Variants in SIPA1L3 observed in about 807,000 individuals in gnomAD.
SIPA1L3 encodes the protein signal-induced proliferation-associated 1-like protein 3.
Under a neutral mutation model 150.1 loss-of-function variants are expected in SIPA1L3, and 59 were observed. That is an observed-to-expected ratio of 0.39 (90% CI 0.32 to 0.49). SIPA1L3 has a LOEUF of 0.49. Ranked by LOEUF, SIPA1L3 falls within the 20% of genes least tolerant of loss-of-function variation. The pLI, the probability that SIPA1L3 is intolerant of heterozygous loss-of-function variation, is 0.86. For missense variants in SIPA1L3, 2,211 were observed against 2,489.5 expected, an observed-to-expected ratio of 0.89 and a Z score of 2.38; for synonymous variants, 1,070 against 1,077.6, an observed-to-expected ratio of 0.99 and a Z score of 0.14.
intron 1 of SIPA1L3, among the ~76,000 whole-genome samples, chr19:37,923,877 A>C (rs1374190928): frequency 6.6e-6 from 1 of 151,908 alleles, no homozygotes; most frequent in Non-Finnish European, 1.5e-5. Flanking sequence ...CTTCTGCCTC[A>C]GTCTCCCCAG....
intron 9 of SIPA1L3, among the ~76,000 whole-genome samples, chr19:38,125,523 C>A (rs535659456): frequency 6.6e-6 from 1 of 152,144 alleles, no homozygotes; most frequent in East Asian, 1.9e-4. Flanking sequence ...GAGCATATTT[C>A]CACAGCCATA....
At chr19:38,036,594 T>C (rs1968796593) in intron 2 of SIPA1L3, among the ~76,000 whole-genome samples, 1 of 152,206 alleles carries the variant, frequency 6.6e-6, no homozygotes, top group Non-Finnish European at 1.5e-5. Context: ...GCCGTTTCCC[T>C]GCTCCACACC....
intron 1 of SIPA1L3, among the ~76,000 whole-genome samples, chr19:38,026,559 C>T (rs755455667): frequency 1.3e-5 from 2 of 152,094 alleles, no homozygotes; most frequent in South Asian, 4.1e-4. Flanking sequence ...GAAATAGATG[C>T]AGGGTGGGTC....
At position 38,162,275 on chromosome 19, in the gene SIPA1L3, C is replaced by G; in HGVS notation, c.3684C>G (p.Ala1228=). Residue 1228 remains alanine, a synonymous_variant, in exon 14 of 22, where the codon GCC becomes GCG. Transcript: ENST00000222345. The part of the protein sequence containing the change: ...QKPEPLWHVP[A]QARLSAIAGS... Reference sequence around the variant, plus strand: ...CAGAGCCTTTGTGGCATGTGCCTGCCCAGGCCAGGCTCTCAGCCATAGCCG... The same window carrying G: ...CAGAGCCTTTGTGGCATGTGCCTGCGCAGGCCAGGCTCTCAGCCATAGCCG... The G allele has an allele frequency of 6.2e-7, 1 of 1,614,212 alleles. No individual in the cohort carries two copies.
chr19:37,953,546 GTA>G (rs1488106879), intron 1 of SIPA1L3, among the ~76,000 whole-genome samples: 2 of 147,838 alleles, frequency 1.4e-5, no homozygotes, highest in Admixed American at 6.8e-5. Flanking sequence ...GTGTGTGTGT[GTA>G]TGTGTGTGCA....
Position 38,161,985 on chromosome 19 carries a change from T to C in SIPA1L3, c.3662-268T>C, listed in dbSNP as rs145802172. 7.7e-3 allele frequency among the ~76,000 whole-genome samples: 1,169 copies of C among 152,120 alleles called. 11 individuals carry two copies. The highest frequency in any genetic ancestry group is 0.037 in the East Asian group (192 of 5,176). On this transcript the variant is annotated intron_variant, in intron 13 of 21. Coordinates refer to ENST00000222345, the MANE Select transcript of SIPA1L3 (RefSeq NM_015073.3). Reference sequence around the variant, plus strand: ...TCAACCCAGGAGTTCAAGGTTACAGTGAGCTATGATCATTCCATTGCACTT... The same window carrying C: ...TCAACCCAGGAGTTCAAGGTTACAGCGAGCTATGATCATTCCATTGCACTT...
intron 2 of SIPA1L3, among the ~76,000 whole-genome samples, chr19:38,062,696 C>T (rs544195048): frequency 8.5e-5 from 13 of 152,296 alleles, no homozygotes; most frequent in Admixed American, 5.2e-4. Context: ...TCTCAGCGCA[C>T]TGTAACTGCT....
intron 2 of SIPA1L3, among the ~76,000 whole-genome samples, chr19:38,057,075 A>C (rs1208442686): frequency 2.0e-5 from 3 of 152,106 alleles, no homozygotes; most frequent in Non-Finnish European, 4.4e-5. Flanking sequence ...GTTCGAGACC[A>C]GTCTGGCCAA....
At chr19:38,117,411 G>C (rs1247856216) in intron 8 of SIPA1L3, among the ~76,000 whole-genome samples, 1 of 152,184 alleles carries the variant, frequency 6.6e-6, no homozygotes, top group Non-Finnish European at 1.5e-5. Context: ...CTTGAGGTCA[G>C]TAGTTCAAGA....
chr19:38,123,957 TGGCCGGGCGGGG>T (rs1971101197), intron 9 of SIPA1L3, among the ~76,000 whole-genome samples: 2 of 127,772 alleles, frequency 1.6e-5, no homozygotes, highest in Non-Finnish European at 3.3e-5. Flanking sequence ...ACGGGGTGGC[TGGCCGGGCGGGG>T]GGCCAACCCC....
intron 1 of SIPA1L3, among the ~76,000 whole-genome samples, 164 bp from the exon 2 acceptor site, chr19:38,028,925 C>G (rs2145717060): frequency 6.6e-6 from 1 of 152,274 alleles, no homozygotes; most frequent in African/African-American, 2.4e-5. Flanking sequence ...AACTCCTGGC[C>G]TCAAGTGATC....
chr19:37,965,317 G>GTTTTTTTTTTTTTT (rs566071263), intron 1 of SIPA1L3, among the ~76,000 whole-genome samples: 40 of 133,680 alleles, frequency 3.0e-4, no homozygotes, highest in African/African-American at 8.6e-4. Flanking sequence ...TATATTTCTA[G>GTTTTTTTTTTTTTT]TTTTTTTTTT....
chr19:37,961,590 G>A (rs2046858855), intron 1 of SIPA1L3, among the ~76,000 whole-genome samples: 1 of 152,170 alleles, frequency 6.6e-6, no homozygotes, highest in African/African-American at 2.4e-5. Context: ...GTTGTGTCCA[G>A]TGTGGCTCTC....
intron 3 of SIPA1L3, among the ~76,000 whole-genome samples, chr19:38,084,301 C>T (rs1970075127): frequency 6.6e-6 from 1 of 152,120 alleles, no homozygotes; most frequent in Non-Finnish European, 1.5e-5. Flanking sequence ...CCTAGTGTTT[C>T]ATTATTGGAA....
chr19:38,012,759 C>T (rs1017315393), intron 1 of SIPA1L3, among the ~76,000 whole-genome samples: 3 of 152,116 alleles, frequency 2.0e-5, no homozygotes, highest in African/African-American at 7.2e-5. Flanking sequence ...CTGCCATTCT[C>T]GGGCCCTTGC....
Position 38,083,224 on chromosome 19 carries a change from A to C in SIPA1L3, c.1534+125A>C, listed in dbSNP as rs556912697. 5.4e-5 allele frequency: 56 copies of C among 1,029,122 alleles called. No individual in the cohort carries two copies. The African/African-American group carries it at 8.1e-4, about 15-fold the overall frequency. The allele number at this position is 1,029,122 out of a possible 1,614,324, so 63.7% of individuals were successfully genotyped here. Reference sequence around the variant, plus strand: ...CACTGAGGATGTGGCGGGAACAGAGACCTCCCTTCTGGAGGGCTGTGAGGA... The same window carrying C: ...CACTGAGGATGTGGCGGGAACAGAGCCCTCCCTTCTGGAGGGCTGTGAGGA... On this transcript the variant is annotated intron_variant, in intron 3 of 21. Coordinates refer to ENST00000222345, the MANE Select transcript of SIPA1L3 (RefSeq NM_015073.3).
intron 1 of SIPA1L3, among the ~76,000 whole-genome samples, chr19:37,967,684 TCAA>T (rs1324690157): frequency 6.6e-6 from 1 of 152,096 alleles, no homozygotes; most frequent in Non-Finnish European, 1.5e-5. Context: ...GGTTAGGACT[TCAA>T]CACGTGAATT....
At chr19:38,179,526 G>A (rs867500437) in intron 15 of SIPA1L3, among the ~76,000 whole-genome samples, 2 of 152,248 alleles carry the variant, frequency 1.3e-5, no homozygotes, top group South Asian at 4.1e-4. Flanking sequence ...TTATTATAAT[G>A]TGCGTCTATC....
intron 16 of SIPA1L3, among the ~76,000 whole-genome samples, chr19:38,188,915 C>G (rs896943289): frequency 6.9e-6 from 1 of 145,192 alleles, no homozygotes; most frequent in Non-Finnish European, 1.5e-5. Context: ...AGCGAGACTC[C>G]GTCTCAAAAA....
Sources: allele counts gnomAD v4.1 joint callset (sites outside exome capture counted in the v4.1 genomes callset), GRCh38; gene constraint gnomAD v4.1.1; transcripts MANE v1.5; gene names NCBI Gene and HGNC (gene_info 2026-07-23, HGNC 2026-07-21).